NR5A2: variants seen among roughly 807,000 people sequenced by gnomAD.
The protein encoded by NR5A2 is nuclear receptor subfamily 5 group A member 2.
NR5A2 carries 26 observed loss-of-function variants against 62.7 expected under a neutral mutation model. The observed-to-expected ratio is 0.41, with a 90% CI of 0.30 to 0.58. NR5A2 has a LOEUF of 0.58. Among genes scored for constraint, NR5A2 ranks in the 20% least tolerant of loss-of-function variants. The pLI, the probability that NR5A2 is intolerant of heterozygous loss-of-function variation, is 0.22. For synonymous variants in NR5A2, 246 were observed against 241.7 expected (o/e 1.02, Z -0.16); for missense variants, 541 against 669.1 (o/e 0.81, Z 2.11).
rs76894039 is a variant in NR5A2 at position 200,111,336 on chromosome 1, C to CA, written c.1230+30dup. ...CTGGGCAACAAGTGAGTGTAGAGAC[C>CA]AAAAAAAAAAAAAAAGCATCTTTTT... is the stretch of plus-strand genomic sequence containing the variant. On this transcript the variant is annotated intron_variant, in intron 6 of 7. Coordinates refer to ENST00000367362, the MANE Select transcript of NR5A2 (RefSeq NM_205860.3). 0.012 allele frequency: 16,663 copies of CA among 1,390,840 alleles called. 4 individuals carry two copies. Among genetic ancestry groups the CA allele is most frequent in the South Asian group, 0.018 (1,286 of 70,500 alleles). 86.2% of individuals were successfully genotyped at this position (1,390,840 alleles called of 1,614,324 possible).
At chr1:200,056,518 C>A (rs1662923620) in intron 5 of NR5A2, among the ~76,000 whole-genome samples, 1 of 152,204 alleles carries the variant, frequency 6.6e-6, no homozygotes, top group Non-Finnish European at 1.5e-5. Context: ...CCCTGCCAAT[C>A]CTGATCTGTT....
chr1:200,074,914 G>T (rs1314658355), intron 5 of NR5A2, among the ~76,000 whole-genome samples: 1 of 151,318 alleles, frequency 6.6e-6, no homozygotes, highest in Non-Finnish European at 1.5e-5. Flanking sequence ...ATTTTTAGGG[G>T]TTTACACGTG....
rs534074154 is a variant in NR5A2, at chr1:200,172,361, G to A, written c.1379-1602G>A. On this transcript the variant is annotated intron_variant, in intron 7 of 7. Coordinates refer to ENST00000367362, the MANE Select transcript of NR5A2 (RefSeq NM_205860.3). ...TGGAATATGCTTTACTAACTGTAAAGTGCCGCATGGGTAAAATGTCCAGAG... is the reference window on the plus strand; with the variant it reads ...TGGAATATGCTTTACTAACTGTAAAATGCCGCATGGGTAAAATGTCCAGAG... Among the ~76,000 whole-genome samples, 8 of 152,234 alleles carry A rather than the reference G, an allele frequency of 5.3e-5. No individual in the cohort carries two copies. In the East Asian group the frequency reaches 1.3e-3, roughly 26 times the overall value.
chr1:200,153,360 T>C (rs1653224435), intron 7 of NR5A2, among the ~76,000 whole-genome samples: 1 of 152,226 alleles, frequency 6.6e-6, no homozygotes, highest in African/African-American at 2.4e-5. Context: ...TGAACCCTAA[T>C]ACCAAATAAG....
At chr1:200,096,958 AT>A (rs1427266064) in intron 5 of NR5A2, among the ~76,000 whole-genome samples, 1 of 152,170 alleles carries the variant, frequency 6.6e-6, no homozygotes, top group African/African-American at 2.4e-5. Context: ...AAATCACCTA[AT>A]GATGCATTTC....
rs186954785 is a variant in NR5A2, at chr1:200,160,370, C to A, written c.1379-13593C>A. ...AAGATAGCACCTTGTCCACTAAATG[C>A]ACATTACATTCTCAAATTTACCTTT... On this transcript the variant is annotated intron_variant, in intron 7 of 7. Transcript: ENST00000367362. 6.6e-5 allele frequency among the ~76,000 whole-genome samples: 10 copies of A among 152,316 alleles called. No individual in the cohort carries two copies. In the East Asian group the frequency reaches 1.7e-3, roughly 26 times the overall value.
At chr1:200,067,133 T>C (rs1388831083) in intron 5 of NR5A2, among the ~76,000 whole-genome samples, 2 of 152,200 alleles carry the variant, frequency 1.3e-5, no homozygotes, top group African/African-American at 4.8e-5. Context: ...CTAAGACTGA[T>C]CACCTATCTA....
chr1:200,029,512 A>C (rs1661473948), intron 1 of NR5A2: 1 of 152,626 alleles, frequency 6.6e-6, no homozygotes, highest in Non-Finnish European at 1.5e-5. Context: ...GCGTAAACAG[A>C]GAACACCTGC....
intron 7 of NR5A2, among the ~76,000 whole-genome samples, chr1:200,153,054 C>A (rs921596759): frequency 1.3e-5 from 2 of 152,210 alleles, no homozygotes; most frequent in African/African-American, 4.8e-5. Context: ...GAAAATAATT[C>A]ATGCATTGCC....
At chr1:200,050,567 T>C (rs1346198255) in intron 5 of NR5A2, among the ~76,000 whole-genome samples, 1 of 152,236 alleles carries the variant, frequency 6.6e-6, no homozygotes, top group African/African-American at 2.4e-5. Context: ...ATATACTACA[T>C]ACTCAGTAAA....
At chr1:200,098,926 G>A (rs1167359874) in intron 5 of NR5A2, among the ~76,000 whole-genome samples, 1 of 152,182 alleles carries the variant, frequency 6.6e-6, no homozygotes, top group Non-Finnish European at 1.5e-5. Context: ...AGCAAAAATT[G>A]TTGTTTACCT....
intron 5 of NR5A2, among the ~76,000 whole-genome samples, chr1:200,052,998 G>T (rs565718562): frequency 6.6e-6 from 1 of 152,322 alleles, no homozygotes; most frequent in South Asian, 2.1e-4. Context: ...GAAAAAAAGA[G>T]AATTTCATTT....
At chr1:200,169,126 T>G (rs1654050860) in intron 7 of NR5A2, among the ~76,000 whole-genome samples, 1 of 152,044 alleles carries the variant, frequency 6.6e-6, no homozygotes, top group South Asian at 2.1e-4. Flanking sequence ...AGAGGATCGC[T>G]CAAGCCCAGG....
At chr1:200,168,941 C>G (rs1179043878) in intron 7 of NR5A2, among the ~76,000 whole-genome samples, 1 of 152,190 alleles carries the variant, frequency 6.6e-6, no homozygotes, top group East Asian at 1.9e-4. Flanking sequence ...AATCGTGTGA[C>G]AGTTTATAGA....
At chr1:200,145,887 G>A (rs1465577096) in intron 7 of NR5A2, among the ~76,000 whole-genome samples, 1 of 152,106 alleles carries the variant, frequency 6.6e-6, no homozygotes, top group African/African-American at 2.4e-5. Flanking sequence ...TGAACATAAG[G>A]AAAAATTCAT....
intron 5 of NR5A2, among the ~76,000 whole-genome samples, chr1:200,051,621 C>T (rs1239673816): frequency 1.3e-5 from 2 of 152,198 alleles, no homozygotes; most frequent in Non-Finnish European, 2.9e-5. Flanking sequence ...ACCCACTTCA[C>T]AGTTTGCCTT....
At chr1:200,139,026 TC>T (rs1667342872) in intron 7 of NR5A2, among the ~76,000 whole-genome samples, 1 of 152,210 alleles carries the variant, frequency 6.6e-6, no homozygotes, top group Admixed American at 6.5e-5. Context: ...ATTGAGACTT[TC>T]CCGTTCATGA....
intron 5 of NR5A2, among the ~76,000 whole-genome samples, chr1:200,101,595 G>A (rs1318737512): frequency 3.9e-5 from 6 of 152,112 alleles, no homozygotes; most frequent in Admixed American, 1.3e-4. Context: ...CTTAACATGT[G>A]TACATGCTTT....
intron 1 of NR5A2, among the ~76,000 whole-genome samples, chr1:200,036,108 T>C (rs1374842757): frequency 6.6e-6 from 1 of 152,178 alleles, no homozygotes; most frequent in African/African-American, 2.4e-5. Flanking sequence ...GGTGTATTTA[T>C]GGGTCAGTGC....
Sources: allele counts gnomAD v4.1 joint callset (sites outside exome capture counted in the v4.1 genomes callset), GRCh38; gene constraint gnomAD v4.1.1; transcripts MANE v1.5; gene names NCBI Gene and HGNC (gene_info 2026-07-23, HGNC 2026-07-21).